The following TRIM66 variants were observed in gnomAD, a reference collection of about 807,000 sequenced individuals.
The protein encoded by TRIM66 is tripartite motif containing 66.
In TRIM66, 99 loss-of-function variants were observed where a neutral mutation model predicts 148.2. The observed-to-expected ratio is 0.67, with a 90% CI of 0.57 to 0.79. The LOEUF is 0.79. Ranked by LOEUF, TRIM66 falls within the 30% of genes least tolerant of loss-of-function variation. The pLI is 0.00. For synonymous variants in TRIM66, 616 were observed against 635.9 expected (o/e 0.97, Z 0.47); for missense variants, 1,666 against 1,697.9 (o/e 0.98, Z 0.33).
intron 14 of TRIM66, 41 bp downstream of exon 14, chr11:8,640,186 C>T (rs959659126): frequency 4.1e-5 from 63 of 1,527,668 alleles, no homozygotes; most frequent in Middle Eastern, 1.7e-4. Flanking sequence ...AGTGATCCTA[C>T]GATGGGCAGA....
At chr11:8,652,396 G>A (rs1271354291) in intron 6 of TRIM66, among the ~76,000 whole-genome samples, 1 of 151,770 alleles carries the variant, frequency 6.6e-6, no homozygotes, top group Non-Finnish European at 1.5e-5. Context: ...GAAAGGCAAG[G>A]CCTCCCTGCC....
At chr11:8,644,388 T>G (rs531692152) in intron 12 of TRIM66, 1 of 453,092 alleles carries the variant, frequency 2.2e-6, no homozygotes. Flanking sequence ...ATCTTTACTT[T>G]GGTGCTACTT....
In TRIM66 at chr11:8,643,092, C is replaced by T. The variant is rs984014730; in HGVS notation, c.1139G>A (p.Ser380Asn). ...VFQMQRLLET[S>N]CNTDPGSPWS... is the part of the protein sequence containing the mutation. ...AGGGGAGCCAGGATCTGTGTTACAACTTGTCTCCAGCAATCGCTGCATCTG... is the reference window on the plus strand; with the variant it reads ...AGGGGAGCCAGGATCTGTGTTACAATTTGTCTCCAGCAATCGCTGCATCTG... Residue 380 changes from serine to asparagine, a missense_variant, in exon 13 of 25, where the codon AGT (serine) becomes AAT (asparagine). Around this residue, in one of 3 missense-constraint regions of TRIM66, gnomAD observed 1,431 missense variants for 1,412.4 expected, o/e 1.01. Transcript: ENST00000646038. The T allele has an allele frequency of 4.5e-6, 7 of 1,551,236 alleles. No individual in the cohort carries two copies. The highest frequency in any genetic ancestry group is 6.1e-6 in the Non-Finnish European group (7 of 1,146,822).
chr11:8,625,031 G>A lies in TRIM66; in HGVS notation c.2508C>T (p.Ala836=). ...VSSLTSVQNQ[A]MPSLTTSHLQ... ...GGTGACTGGTTGTCAGGCTGGGCAT[G>A]GCCTGGTTTTGAACACTTGTCAGGC... The change falls in exon 16 of 25, where the codon GCC becomes GCT. Residue 836 remains alanine (A), a synonymous_variant. Transcript: ENST00000646038. 1 of 1,551,722 alleles carries A rather than the reference G, an allele frequency of 6.4e-7. No homozygotes were observed. The highest frequency in any genetic ancestry group is 8.7e-7 in the Non-Finnish European group (1 of 1,146,994).
At chr11:8,658,999 T>C (rs953804964) in intron 6 of TRIM66, among the ~76,000 whole-genome samples, 1 of 151,886 alleles carries the variant, frequency 6.6e-6, no homozygotes, top group Non-Finnish European at 1.5e-5. Context: ...GAGGTCTCCC[T>C]TGGCAGTTAA....
chr11:8,654,961 A>G (rs2037689439), intron 6 of TRIM66, among the ~76,000 whole-genome samples: 1 of 152,116 alleles, frequency 6.6e-6, no homozygotes, highest in South Asian at 2.1e-4. Context: ...CCTGGGTTCA[A>G]GCAATTATCC....
chr11:8,650,039 T>C (rs1243847934), intron 7 of TRIM66, among the ~76,000 whole-genome samples, 152 bp from the exon 8 acceptor site: 1 of 152,126 alleles, frequency 6.6e-6, no homozygotes, highest in African/African-American at 2.4e-5. Flanking sequence ...GGGAGTAACA[T>C]GCCGGGGCTT....
intron 15 of TRIM66, among the ~76,000 whole-genome samples, chr11:8,630,413 G>T (rs1195098440): frequency 6.6e-6 from 1 of 152,170 alleles, no homozygotes; most frequent in African/African-American, 2.4e-5. Context: ...AGGTTTCTAG[G>T]CTGTCAACTG....
At chr11:8,641,276 C>T (rs904127766) in intron 13 of TRIM66, 124 bp from the exon 14 acceptor site, 2 of 892,696 alleles carry the variant, frequency 2.2e-6, no homozygotes, top group Admixed American at 5.7e-5. Flanking sequence ...GATTAAGAAA[C>T]TCAACCCTTG....
At chr11:8,670,906 T>C (rs1369144637) in intron 6 of TRIM66, among the ~76,000 whole-genome samples, 1 of 152,250 alleles carries the variant, frequency 6.6e-6, no homozygotes, top group Non-Finnish European at 1.5e-5. Flanking sequence ...TAAAACTCTA[T>C]TATCACAATG....
intron 7 of TRIM66, among the ~76,000 whole-genome samples, chr11:8,650,520 C>T (rs893197329): frequency 1.3e-5 from 2 of 151,758 alleles, no homozygotes; most frequent in African/African-American, 4.8e-5. Context: ...GGAGGAGGAG[C>T]AGCAGCAGCA....
chr11:8,646,483 C>T lies in TRIM66; in HGVS notation c.921G>A (p.Leu307=). The change falls in exon 11 of 25, where the codon CTG becomes CTA. Residue 307 remains leucine, a synonymous_variant. Transcript: ENST00000646038. ...KMAKMVLMNE[L]NKQANGLIEE... is the part of the protein sequence containing the mutation. ...CTATTAGCCCATTGGCCTGTTTGTTCAGCTCATTCATCAGAACCATCTTGG... is the reference window on the plus strand; with the variant it reads ...CTATTAGCCCATTGGCCTGTTTGTTTAGCTCATTCATCAGAACCATCTTGG... 1.3e-6 allele frequency: 2 copies of T among 1,552,248 alleles called. No individual in the cohort carries two copies. Among genetic ancestry groups the T allele is most frequent in the Non-Finnish European group, 1.7e-6 (2 of 1,147,122 alleles).
chr11:8,683,161 C>T, upstream of TRIM66: 4 of 1,600,474 alleles, frequency 2.5e-6, no homozygotes, highest in Non-Finnish European at 3.4e-6. Context: ...GCCCCCTGCC[C>T]CTAATTCCTT....
At chr11:8,683,121 C>G (rs1565589790), upstream of TRIM66, 1 of 1,412,666 alleles carries the variant, frequency 7.1e-7, no homozygotes, top group Admixed American at 1.7e-5. Context: ...GACCCACAGG[C>G]TTACAGGACC....
intron 1 of TRIM66, among the ~76,000 whole-genome samples, chr11:8,682,006 C>T (rs1160942548): frequency 6.6e-6 from 1 of 152,190 alleles, no homozygotes; most frequent in Non-Finnish European, 1.5e-5. Flanking sequence ...AAGAAATCCT[C>T]CCGCCTCGAC....
chr11:8,675,443 C>A (rs2039131177), intron 3 of TRIM66, among the ~76,000 whole-genome samples: 1 of 152,176 alleles, frequency 6.6e-6, no homozygotes, highest in Admixed American at 6.5e-5. Flanking sequence ...AGTACAATGG[C>A]GTGATCTTGG....
At chr11:8,673,290 G>A (rs2039031242) in intron 4 of TRIM66, among the ~76,000 whole-genome samples, 1 of 151,874 alleles carries the variant, frequency 6.6e-6, no homozygotes, top group Non-Finnish European at 1.5e-5. Context: ...CATGAGTTCT[G>A]TCCACTAATT....
intron 22 of TRIM66, 56 bp from the exon 23 acceptor site, chr11:8,619,591 G>C (rs775501694): frequency 3.1e-5 from 45 of 1,433,122 alleles, no homozygotes; most frequent in Non-Finnish European, 3.9e-5. Flanking sequence ...AAGAAATGGA[G>C]GTGTGGATAA....
Position 8,640,909 on chromosome 11 carries a change from GC to G in TRIM66, c.1465del (p.Ala489ProfsTer63). The G allele has an allele frequency of 6.4e-7, 1 of 1,550,752 alleles. No homozygotes were observed. Among genetic ancestry groups the G allele is most frequent in the Non-Finnish European group, 8.7e-7 (1 of 1,146,916 alleles). On this transcript the variant is annotated frameshift_variant, in exon 14 of 25. Coordinates refer to ENST00000646038, the MANE Select transcript of TRIM66 (RefSeq NM_001388022.1). LOFTEE classifies it high-confidence loss of function. ...CTCAGGGGGCTGCCTGAAGCTGTGGGCTGGGTGTATGCTGGGTGGGGGGACC... is the reference window on the plus strand; with the variant it reads ...CTCAGGGGGCTGCCTGAAGCTGTGGGTGGGTGTATGCTGGGTGGGGGGACC... ...GQVPPPSIHP[A>X]HSFRQPPEMV...
Sources: allele counts gnomAD v4.1 joint callset (sites outside exome capture counted in the v4.1 genomes callset), GRCh38; gene constraint gnomAD v4.1.1; regional missense constraint gnomAD v4.1.1; transcripts MANE v1.5; gene names NCBI Gene and HGNC (gene_info 2026-07-23, HGNC 2026-07-21).